SPTLC2: variants seen among roughly 807,000 people sequenced by gnomAD.
The protein encoded by SPTLC2 is serine palmitoyltransferase long chain base subunit 2.
In SPTLC2, 21 loss-of-function variants were observed where a neutral mutation model predicts 62.0. The observed-to-expected ratio is 0.34, with a 90% CI of 0.24 to 0.49. The LOEUF (loss-of-function observed/expected upper bound fraction) is 0.49. Among genes scored for constraint, SPTLC2 ranks in the 20% least tolerant of loss-of-function variants. The pLI is 0.99. For missense variants in SPTLC2, 511 were observed against 713.0 expected, an observed-to-expected ratio of 0.72 and a Z score of 3.23; for synonymous variants, 261 against 261.8, an observed-to-expected ratio of 1.00 and a Z score of 0.03.
At chr14:77,551,854 T>C (rs952110412) in intron 9 of SPTLC2, among the ~76,000 whole-genome samples, 2 of 152,166 alleles carry the variant, frequency 1.3e-5, no homozygotes, top group Admixed American at 6.5e-5. Context: ...TAAGAGGGTA[T>C]GTAGGATAGT....
chr14:77,521,689 T>G, intron 9 of SPTLC2, 108 bp from the exon 10 acceptor site: 1 of 1,011,762 alleles, frequency 9.9e-7, no homozygotes, highest in Non-Finnish European at 1.5e-6. Flanking sequence ...TCTGTTTCGT[T>G]TTTTTCCATT....
At chr14:77,579,202 T>G (rs1566786162) in intron 2 of SPTLC2, 93 bp from the exon 3 acceptor site, 1 of 1,376,626 alleles carries the variant, frequency 7.3e-7, no homozygotes, top group Non-Finnish European at 1.0e-6. Flanking sequence ...TTATGTAAAT[T>G]TATGGGGTAT....
chr14:77,590,020 G>A (rs1268459797), intron 2 of SPTLC2, among the ~76,000 whole-genome samples: 2 of 150,668 alleles, frequency 1.3e-5, no homozygotes, highest in Non-Finnish European at 2.9e-5. Flanking sequence ...CTGTCACCCA[G>A]GCTAGAGTGC....
intron 2 of SPTLC2, among the ~76,000 whole-genome samples, chr14:77,591,161 T>C (rs992158546): frequency 2.0e-5 from 3 of 152,238 alleles, no homozygotes; most frequent in African/African-American, 7.2e-5. Context: ...TACCGATACA[T>C]GCTACAACAT....
intron 4 of SPTLC2, among the ~76,000 whole-genome samples, chr14:77,576,353 C>T (rs993769280): frequency 4.6e-5 from 7 of 152,170 alleles, no homozygotes; most frequent in African/African-American, 9.7e-5. Flanking sequence ...GATTAGCTTA[C>T]GTAATTCTTA....
At chr14:77,531,313 A>G (rs781417524) in intron 9 of SPTLC2, among the ~76,000 whole-genome samples, 27 of 152,116 alleles carry the variant, frequency 1.8e-4, no homozygotes, top group Non-Finnish European at 2.9e-4. Context: ...CTGTGACCAA[A>G]AATACCTCTA....
intron 1 of SPTLC2, among the ~76,000 whole-genome samples, chr14:77,611,767 A>G (rs2079939274): frequency 6.6e-6 from 1 of 151,882 alleles, no homozygotes; most frequent in South Asian, 2.1e-4. Flanking sequence ...TGGAGGCTGC[A>G]GTGAACTGAG....
At chr14:77,570,748 G>T (rs528710574) in intron 4 of SPTLC2, among the ~76,000 whole-genome samples, 91 of 152,266 alleles carry the variant, frequency 6.0e-4, no homozygotes, top group Middle Eastern at 3.4e-3. Flanking sequence ...TTTCCCCAAA[G>T]GGGGCTGCGA....
chr14:77,545,849 A>G (rs1566775453), intron 9 of SPTLC2, among the ~76,000 whole-genome samples: 1 of 152,238 alleles, frequency 6.6e-6, no homozygotes, highest in Non-Finnish European at 1.5e-5. Context: ...TTCTTGTTGC[A>G]AGAAACTTTT....
chr14:77,531,504 CTCCTCTTCTTCTTCT>C (rs2079440526), intron 9 of SPTLC2, among the ~76,000 whole-genome samples: 1 of 76,362 alleles, frequency 1.3e-5, no homozygotes, highest in Non-Finnish European at 2.7e-5. Context: ...CCTCCTCCTC[CTCCTCTTCTTCTTCT>C]TCTTCTTTTT....
In SPTLC2 at chr14:77,561,046, T is replaced by C. The variant is rs539200137; in HGVS notation, c.850+1350A>G. On this transcript the variant is annotated intron_variant, in intron 6 of 11. Transcript: ENST00000216484. The stretch of plus-strand genomic sequence containing the variant: ...AAAAGTGAAAAAAAAAAAGTTCATA[T>C]AATGCTTAGAGGCAATTTGGAAAAG... Among the ~76,000 whole-genome samples the C allele has an allele frequency of 5.5e-4, 81 of 147,882 alleles. 1 individual carries two copies. Among genetic ancestry groups the C allele is most frequent in the African/African-American group, 2.0e-3 (81 of 40,084 alleles).
chr14:77,614,426 A>G (rs1466980284), intron 1 of SPTLC2, among the ~76,000 whole-genome samples: 1 of 152,200 alleles, frequency 6.6e-6, no homozygotes. Flanking sequence ...GCACTCTGGG[A>G]GGCCGAGGCA....
chr14:77,606,226 A>T (rs2079904203), intron 1 of SPTLC2, among the ~76,000 whole-genome samples: 1 of 152,216 alleles, frequency 6.6e-6, no homozygotes, highest in African/African-American at 2.4e-5. Context: ...GCTACTGGGG[A>T]GGCTGAGGCA....
At chr14:77,604,601 C>T (rs539727706) in intron 1 of SPTLC2, among the ~76,000 whole-genome samples, 1 of 152,200 alleles carries the variant, frequency 6.6e-6, no homozygotes, top group Admixed American at 6.5e-5. Flanking sequence ...GATGCGGTGG[C>T]TCACACCTGT....
chr14:77,536,565 C>A (rs1228975530), intron 9 of SPTLC2, among the ~76,000 whole-genome samples: 1 of 152,074 alleles, frequency 6.6e-6, no homozygotes, highest in African/African-American at 2.4e-5. Flanking sequence ...CAAAAAGAAA[C>A]CAGTATCCAT....
intron 9 of SPTLC2, among the ~76,000 whole-genome samples, chr14:77,533,300 C>CAAAAAA (rs35192294): frequency 2.0e-5 from 2 of 98,464 alleles, no homozygotes. Flanking sequence ...AACTCCGTTG[C>CAAAAAA]AAAAAAAAAA....
chr14:77,599,645 G>A (rs1051225916), intron 1 of SPTLC2, among the ~76,000 whole-genome samples: 1 of 152,070 alleles, frequency 6.6e-6, no homozygotes, highest in African/African-American at 2.4e-5. Flanking sequence ...AACTCATTTG[G>A]GTCTTCATCA....
At chr14:77,591,692 CTGTATGTATGTA>C (rs147430744) in intron 2 of SPTLC2, among the ~76,000 whole-genome samples, 1 of 130,350 alleles carries the variant, frequency 7.7e-6, no homozygotes, top group East Asian at 3.2e-4. Flanking sequence ...TAGTGCTCTT[CTGTATGTATGTA>C]TGTATGTATG....
At chr14:77,602,513 CGA>C in intron 1 of SPTLC2, among the ~76,000 whole-genome samples, 1 of 151,304 alleles carries the variant, frequency 6.6e-6, no homozygotes, top group Middle Eastern at 3.4e-3. Flanking sequence ...CTGTGGGGCA[CGA>C]GAGAATTTTA....
Sources: gnomAD v4.1 joint callset for allele counts (sites outside exome capture counted in the v4.1 genomes callset) on GRCh38, gnomAD v4.1.1 for gene constraint, MANE v1.5 for transcripts, NCBI Gene and HGNC (gene_info 2026-07-23, HGNC 2026-07-21) for gene names.